LHFPL3: variants seen among roughly 807,000 people sequenced by gnomAD.
The protein encoded by LHFPL3 is LHFPL tetraspan subfamily member 3 protein.
A neutral mutation model predicts 19.3 loss-of-function variants in LHFPL3; 5 were observed. The observed-to-expected ratio is 0.26, with a 90% confidence interval of 0.14 to 0.54. The LOEUF (loss-of-function observed/expected upper bound fraction) is 0.54, where lower values mean the gene tolerates loss of function less well. Ranked by LOEUF, LHFPL3 falls within the 20% of genes least tolerant of loss-of-function variation. The pLI is 0.94. For missense variants in LHFPL3, 249 were observed against 307.4 expected (o/e 0.81, Z 1.42); for synonymous variants, 133 against 126.2 (o/e 1.05, Z -0.36).
chr7:104,837,251 C>T (rs1342156500), intron 2 of LHFPL3, among the ~76,000 whole-genome samples: 2 of 152,230 alleles, frequency 1.3e-5, no homozygotes, highest in Admixed American at 1.3e-4. Context: ...CTGCTGGCCA[C>T]ATTTGTGGAA....
At position 104,399,441 on chromosome 7, in the gene LHFPL3, T is replaced by TTG. The variant is rs58951411; in HGVS notation, c.445+70217_445+70218insTG. On this transcript the variant is annotated intron_variant, in intron 1 of 2. Transcript: ENST00000424859. This position sits in a 1 kb window ranked among gnomAD's most constrained non-coding sequence, Gnocchi z 4.4. The stretch of plus-strand genomic sequence containing the variant: ...TGTACTATGTTCTTCTGTTTTTTTT[T>TTG]GTTTTTTAGGTTTTTTTTGTTTGTT... Among the ~76,000 whole-genome samples the TTG allele has an allele frequency of 0.04, 6,096 of 151,700 alleles. 427 individuals are homozygous for TTG. Among genetic ancestry groups the TTG allele is most frequent in the African/African-American group, 0.14 (5,781 of 41,336 alleles).
intron 1 of LHFPL3, among the ~76,000 whole-genome samples, chr7:104,641,199 T>G (rs1471511635): frequency 6.6e-6 from 1 of 152,186 alleles, no homozygotes; most frequent in Non-Finnish European, 1.5e-5. Context: ...CCAAAAGTAA[T>G]AAAAGTTTTA....
intron 2 of LHFPL3, among the ~76,000 whole-genome samples, chr7:104,740,684 C>A (rs896190511): frequency 6.6e-6 from 1 of 152,222 alleles, no homozygotes; most frequent in Non-Finnish European, 1.5e-5. Context: ...AAAACCATCA[C>A]ATCTTGTGAG....
intron 1 of LHFPL3, among the ~76,000 whole-genome samples, chr7:104,430,618 G>T (rs113184417): frequency 6.7e-6 from 1 of 148,980 alleles, no homozygotes; most frequent in Admixed American, 6.8e-5. Context: ...ACAGGCGCCC[G>T]CCACAATGCC....
Position 104,830,264 on chromosome 7 carries a change from T to C in LHFPL3, c.683-75923T>C, listed in dbSNP as rs891720639. On this transcript the variant is annotated intron_variant, in intron 2 of 2. Transcript: ENST00000424859. Reference sequence around the variant, plus strand: ...TCAGATGGGTAGGTTGCGAAAATTTTCTCCCATTTTGTAGGTTGCCTATTC... The same window carrying C: ...TCAGATGGGTAGGTTGCGAAAATTTCCTCCCATTTTGTAGGTTGCCTATTC... Among the ~76,000 whole-genome samples, 38 of 151,966 alleles carry C rather than the reference T, an allele frequency of 2.5e-4. 1 individual carries two copies. The highest frequency in any genetic ancestry group is 9.2e-4 in the African/African-American group (38 of 41,196).
chr7:104,827,986 T>A (rs566174200), intron 2 of LHFPL3, among the ~76,000 whole-genome samples: 3 of 152,002 alleles, frequency 2.0e-5, no homozygotes, highest in East Asian at 3.9e-4. Flanking sequence ...TGCCCCCAGT[T>A]CATACAGTAT....
At chr7:104,617,593 C>G (rs1791370157) in intron 1 of LHFPL3, among the ~76,000 whole-genome samples, 1 of 152,154 alleles carries the variant, frequency 6.6e-6, no homozygotes, top group African/African-American at 2.4e-5. Flanking sequence ...TTCCTAGACG[C>G]TTTCTAATGT....
chr7:104,618,806 C>G (rs1791392444), intron 1 of LHFPL3, among the ~76,000 whole-genome samples: 1 of 152,204 alleles, frequency 6.6e-6, no homozygotes, highest in African/African-American at 2.4e-5. Flanking sequence ...GGTCATGTGA[C>G]TTGGCCAAGG....
Position 104,662,874 on chromosome 7 carries a change from A to G in LHFPL3, c.446-73801A>G, listed in dbSNP as rs538599144. Among the ~76,000 whole-genome samples, 3 of 152,324 alleles carry G rather than the reference A, an allele frequency of 2.0e-5. No homozygotes were observed. In the East Asian group the frequency reaches 5.8e-4, roughly 29 times the overall value. ...TTTTTAAAGTCTTAAGTCAAAATAT[A>G]TGATTTTCCAGAAACACTCTTTAGA... On this transcript the variant is annotated intron_variant, in intron 1 of 2. Coordinates refer to ENST00000424859, the MANE Select transcript of LHFPL3 (RefSeq NM_199000.3).
At chr7:104,349,116 G>GAA (rs1790128058) in intron 1 of LHFPL3, among the ~76,000 whole-genome samples, 1 of 151,960 alleles carries the variant, frequency 6.6e-6, no homozygotes, top group African/African-American at 2.4e-5. Flanking sequence ...AATGAAGAAA[G>GAA]AAAAACCTAT....
At chr7:104,696,374 A>G (rs1173335121) in intron 1 of LHFPL3, among the ~76,000 whole-genome samples, 1 of 152,240 alleles carries the variant, frequency 6.6e-6, no homozygotes, top group Non-Finnish European at 1.5e-5. Flanking sequence ...TGCACTTGGC[A>G]AATGGGAGTT....
chr7:104,720,401 TA>T (rs1183931209), intron 1 of LHFPL3, among the ~76,000 whole-genome samples: 2 of 152,088 alleles, frequency 1.3e-5, no homozygotes, highest in East Asian at 3.9e-4. Flanking sequence ...CAAGATGGAT[TA>T]AAGACTTACA....
At chr7:104,367,548 C>T (rs903551809) in intron 1 of LHFPL3, among the ~76,000 whole-genome samples, 2 of 152,124 alleles carry the variant, frequency 1.3e-5, no homozygotes, top group African/African-American at 2.4e-5. Context: ...TATAGATCGT[C>T]AGATGTTAAG....
chr7:104,640,678 C>T (rs1047348254), intron 1 of LHFPL3, among the ~76,000 whole-genome samples: 4 of 152,122 alleles, frequency 2.6e-5, no homozygotes, highest in Non-Finnish European at 5.9e-5. Context: ...TTTTAATGAT[C>T]GCCGTTCTAA....
chr7:104,583,656 C>A lies in LHFPL3; in HGVS notation c.446-153019C>A, dbSNP rs181611731. 2.8e-3 allele frequency among the ~76,000 whole-genome samples: 433 copies of A among 152,290 alleles called. 1 individual carries two copies. The highest frequency in any genetic ancestry group is 0.01 in the African/African-American group (417 of 41,550). On this transcript the variant is annotated intron_variant, in intron 1 of 2. Transcript: ENST00000424859. ...TCAAAAAGTGTGCAAAGGATATGAA[C>A]AGACACCTCTCAGAAGAAGACATTT...
intron 2 of LHFPL3, among the ~76,000 whole-genome samples, chr7:104,866,289 TAA>T (rs1202597805): frequency 4.6e-5 from 7 of 152,120 alleles, no homozygotes; most frequent in Non-Finnish European, 1.0e-4. Flanking sequence ...ACAAATTGGA[TAA>T]AGAGTCAAGA....
chr7:104,340,900 TA>T (rs1260041248), intron 1 of LHFPL3, among the ~76,000 whole-genome samples: 2 of 152,162 alleles, frequency 1.3e-5, no homozygotes, highest in Non-Finnish European at 2.9e-5. Flanking sequence ...TACACAAACT[TA>T]AAAAAAGGAA....
At chr7:104,430,396 A>G (rs548832120) in intron 1 of LHFPL3, among the ~76,000 whole-genome samples, 27 of 42,586 alleles carry the variant, frequency 6.3e-4, no homozygotes, top group African/African-American at 4.4e-3. Flanking sequence ...ATATATATAT[A>G]TATATATACA....
At chr7:104,597,124 T>C (rs534904542) in intron 1 of LHFPL3, among the ~76,000 whole-genome samples, 1 of 152,358 alleles carries the variant, frequency 6.6e-6, no homozygotes, top group Non-Finnish European at 1.5e-5. Flanking sequence ...AATGGATTCA[T>C]AATGATGTAA....
Sources: gnomAD v4.1 joint callset for allele counts (sites outside exome capture counted in the v4.1 genomes callset) on GRCh38, gnomAD v4.1.1 for gene constraint, Gnocchi (gnomAD v3.1) non-coding constraint, MANE v1.5 for transcripts, NCBI Gene and HGNC (gene_info 2026-07-23, HGNC 2026-07-21) for gene names.